Variants in FUT9 observed in about 807,000 individuals in gnomAD.
FUT9 encodes the protein 4-galactosyl-N-acetylglucosaminide 3-alpha-L-fucosyltransferase 9.
In FUT9, 15 loss-of-function variants were observed where a neutral mutation model predicts 29.7. That is an observed-to-expected ratio of 0.51 (90% confidence interval 0.34 to 0.78). The LOEUF (loss-of-function observed/expected upper bound fraction) is 0.78, where lower values mean the gene tolerates loss of function less well. Ranked by LOEUF, FUT9 falls within the 30% of genes least tolerant of loss-of-function variation. The pLI, the probability that FUT9 is intolerant of heterozygous loss-of-function variation, is 0.01. For missense variants in FUT9, 319 were observed against 425.4 expected (o/e 0.75, Z 2.20); for synonymous variants, 169 against 153.7 (o/e 1.10, Z -0.74).
chr6:96,029,311 AT>A (rs549599429), intron 1 of FUT9, among the ~76,000 whole-genome samples: 358 of 151,678 alleles, frequency 2.4e-3, no homozygotes, highest in Non-Finnish European at 3.6e-3. Flanking sequence ...GATGTCACCC[AT>A]TGGGGCTTAT....
intron 1 of FUT9, among the ~76,000 whole-genome samples, chr6:96,054,487 C>A (rs1468121545): frequency 6.6e-6 from 1 of 151,910 alleles, no homozygotes; most frequent in Admixed American, 6.6e-5. Flanking sequence ...CTTTTGACTA[C>A]AAAGATAAAA....
rs939271549 is a variant in FUT9, at chr6:96,212,205, T to C, written c.*7970T>C. The C allele has an allele frequency of 9.7e-6, 4 of 412,620 alleles. No individual in the cohort carries two copies. Among genetic ancestry groups the C allele is most frequent in the African/African-American group, 4.1e-5 (2 of 48,598 alleles). The allele number at this position is 412,620 out of a possible 1,614,324, so 25.6% of individuals were successfully genotyped here. On this transcript the variant is annotated 3_prime_UTR_variant, in exon 3 of 3. Transcript: ENST00000302103. ...ACAATATCACATCTCCAGTCTCAGA[T>C]TGGCCTCATTAGCCACCTTCAGTTC...
intron 2 of FUT9, among the ~76,000 whole-genome samples, chr6:96,114,561 G>C (rs2127962106): frequency 6.6e-6 from 1 of 150,738 alleles, no homozygotes; most frequent in South Asian, 2.1e-4. Flanking sequence ...TTTTAATTTG[G>C]GGTAGATAAT....
chr6:96,160,516 C>G (rs1365979951), intron 2 of FUT9, among the ~76,000 whole-genome samples: 1 of 151,960 alleles, frequency 6.6e-6, no homozygotes, highest in Admixed American at 6.6e-5. Flanking sequence ...TGCATGAACG[C>G]TTTTTAAAAA....
In FUT9 at chr6:96,118,984, GTTA is replaced by G. The variant is rs200873644; in HGVS notation, c.-9+4862_-9+4864del. Among the ~76,000 whole-genome samples the G allele has an allele frequency of 1.4e-4, 22 of 152,220 alleles. No homozygotes were observed. In the East Asian group the frequency reaches 3.1e-3, roughly 21 times the overall value. On this transcript the variant is annotated intron_variant, in intron 2 of 2. Coordinates refer to ENST00000302103, the MANE Select transcript of FUT9 (RefSeq NM_006581.4). ...ACAATGTGTTTGTGTTTTAAGCTGT[GTTA>G]TTATGAAAAAACTCAAAGACTTAAA... is the stretch of plus-strand genomic sequence containing the variant.
At chr6:96,019,873 C>G (rs1317344276) in intron 1 of FUT9, among the ~76,000 whole-genome samples, 1 of 152,088 alleles carries the variant, frequency 6.6e-6, no homozygotes, top group Non-Finnish European at 1.5e-5. Context: ...TTAATAGAAA[C>G]AGAATTCAAA....
At chr6:96,078,602 A>T (rs1304953457) in intron 1 of FUT9, among the ~76,000 whole-genome samples, 2 of 150,782 alleles carry the variant, frequency 1.3e-5, no homozygotes, top group Non-Finnish European at 3.0e-5. Context: ...CTGTATTTTT[A>T]GTAGAGACAG....
At chr6:96,082,367 T>C (rs558639844) in intron 1 of FUT9, among the ~76,000 whole-genome samples, 1 of 151,934 alleles carries the variant, frequency 6.6e-6, no homozygotes, top group South Asian at 2.1e-4. Flanking sequence ...ACTTTTTTTT[T>C]CAAACAATAT....
Position 96,204,081 on chromosome 6 carries a change from A to G in FUT9, c.926A>G (p.Asn309Ser), listed in dbSNP as rs1331320694. ...AKYLKEVDKN[N>S]KLYLSYFNWR... Reference sequence around the variant, plus strand: ...TATCTGAAGGAAGTCGACAAAAACAATAAGTTATACCTTAGTTACTTTAAC... The same window carrying G: ...TATCTGAAGGAAGTCGACAAAAACAGTAAGTTATACCTTAGTTACTTTAAC... The change falls in exon 3 of 3, where the codon AAT (asparagine) becomes AGT (serine). Residue 309 changes from asparagine (N) to serine (S), a missense_variant. Coordinates refer to ENST00000302103, the MANE Select transcript of FUT9 (RefSeq NM_006581.4). The G allele has an allele frequency of 4.5e-6, 7 of 1,542,784 alleles. No individual in the cohort carries two copies. Among genetic ancestry groups the G allele is most frequent in the Non-Finnish European group, 6.1e-6 (7 of 1,147,512 alleles).
At chr6:96,154,125 A>G (rs4840225) in intron 2 of FUT9, among the ~76,000 whole-genome samples, 138,831 of 152,244 alleles carry the variant, frequency 0.91, 64,666 homozygotes, top group Non-Finnish European at 1. Flanking sequence ...ATGGGTGATG[A>G]TAGTTTATAT....
chr6:96,177,092 A>G (rs940255603), intron 2 of FUT9, among the ~76,000 whole-genome samples: 2 of 152,062 alleles, frequency 1.3e-5, no homozygotes, highest in African/African-American at 4.8e-5. Context: ...TTTAAATATT[A>G]CCCTAAATTA....
At chr6:96,109,331 G>A (rs537120282) in intron 1 of FUT9, among the ~76,000 whole-genome samples, 1 of 152,174 alleles carries the variant, frequency 6.6e-6, no homozygotes, top group African/African-American at 2.4e-5. Flanking sequence ...TATATTTATA[G>A]ATTGTATAGT....
At chr6:96,036,438 C>T (rs1405005529) in intron 1 of FUT9, among the ~76,000 whole-genome samples, 1 of 151,696 alleles carries the variant, frequency 6.6e-6, no homozygotes, top group African/African-American at 2.4e-5. Context: ...CGTGATGGTG[C>T]AGATGATTAT....
chr6:96,016,578 C>G (rs1051137680), intron 1 of FUT9, among the ~76,000 whole-genome samples: 7 of 152,132 alleles, frequency 4.6e-5, no homozygotes, highest in Non-Finnish European at 1.0e-4. Context: ...ACAAACGCCC[C>G]TATCTGCCAC....
intron 2 of FUT9, among the ~76,000 whole-genome samples, chr6:96,158,759 A>T (rs7764881): frequency 1.3e-5 from 2 of 151,806 alleles, no homozygotes; most frequent in Admixed American, 6.6e-5. Context: ...TCTTCTATAA[A>T]ATAAATGACT....
chr6:96,100,328 ACAGT>A (rs1299012997), intron 1 of FUT9, among the ~76,000 whole-genome samples: 9 of 152,122 alleles, frequency 5.9e-5, no homozygotes, highest in African/African-American at 2.2e-4. Flanking sequence ...CATAAATAAA[ACAGT>A]CAATGTCCTC....
intron 2 of FUT9, among the ~76,000 whole-genome samples, chr6:96,155,751 G>A (rs1001084850): frequency 6.6e-6 from 1 of 152,132 alleles, no homozygotes; most frequent in African/African-American, 2.4e-5. Flanking sequence ...GCACACAAAG[G>A]AATGACCAAG....
At chr6:96,197,734 T>G (rs1216647559) in intron 2 of FUT9, among the ~76,000 whole-genome samples, 1 of 152,156 alleles carries the variant, frequency 6.6e-6, no homozygotes, top group Non-Finnish European at 1.5e-5. Context: ...CCCAACATCC[T>G]GCTAATGATG....
intron 2 of FUT9, among the ~76,000 whole-genome samples, chr6:96,117,076 C>T (rs538979797): frequency 6.6e-6 from 1 of 152,254 alleles, no homozygotes; most frequent in East Asian, 1.9e-4. Context: ...GTCAAAGGAT[C>T]TAGCCTATAT....
Sources: allele counts gnomAD v4.1 joint callset (sites outside exome capture counted in the v4.1 genomes callset), GRCh38; gene constraint gnomAD v4.1.1; transcripts MANE v1.5; gene names NCBI Gene and HGNC (gene_info 2026-07-23, HGNC 2026-07-21).